NAPG: variants seen among roughly 807,000 people sequenced by gnomAD.
NAPG encodes NSF attachment protein gamma.
NAPG carries 25 observed loss-of-function variants against 48.4 expected under a neutral mutation model. The observed-to-expected ratio is 0.52, with a 90% CI of 0.38 to 0.72. The LOEUF is 0.72. Among genes scored for constraint, NAPG ranks in the 30% least tolerant of loss-of-function variants. NAPG has a pLI of 0.00. For synonymous variants in NAPG, 139 were observed against 127.2 expected (o/e 1.09, Z -0.62); for missense variants, 359 against 372.5 (o/e 0.96, Z 0.30).
chr18:10,540,156 C>T, intron 7 of NAPG, 102 bp downstream of exon 7: 1 of 1,131,598 alleles, frequency 8.8e-7, no homozygotes. Context: ...AAACTTTTCC[C>T]TGCTCACAGT....
chr18:10,539,960 A>G lies in NAPG; in HGVS notation c.369-28A>G, dbSNP rs773010123. The G allele has an allele frequency of 6.5e-5, 105 of 1,607,978 alleles. No individual in the cohort carries two copies. In the East Asian group the frequency reaches 2.3e-3, roughly 35 times the overall value. ...GAAAAACAAGTTTTCCATTTCTCAT[A>G]TAAGACATGTTTTCTTGTCTGATTC... On this transcript the variant is annotated intron_variant, in intron 6 of 11. Transcript: ENST00000322897. This position sits in a 1 kb window ranked among gnomAD's most constrained non-coding sequence, Gnocchi z 4.7.
At chr18:10,526,926 A>C (rs888766223) in intron 1 of NAPG, among the ~76,000 whole-genome samples, 1 of 152,034 alleles carries the variant, frequency 6.6e-6, no homozygotes, top group Non-Finnish European at 1.5e-5. Flanking sequence ...GCGGTGGCTC[A>C]CGTCTGCAAT....
In NAPG at chr18:10,533,562, T is replaced by G. The variant is rs774914828; in HGVS notation, c.227+9T>G. 20 of 1,596,838 alleles carry G rather than the reference T, an allele frequency of 1.3e-5. No individual in the cohort carries two copies. Among genetic ancestry groups the G allele is most frequent in the East Asian group, 2.3e-5 (1 of 43,952 alleles). Reference sequence around the variant, plus strand: ...CTTTTTCATGCTGCCAAGTAAGTATTCTTCATGTTTTCATGTATTTGCAAA... The same window carrying G: ...CTTTTTCATGCTGCCAAGTAAGTATGCTTCATGTTTTCATGTATTTGCAAA... On this transcript the variant is annotated intron_variant, in intron 4 of 11. Transcript: ENST00000322897.
intron 11 of NAPG, 31 bp downstream of exon 11, chr18:10,549,127 T>G: frequency 6.3e-7 from 1 of 1,577,564 alleles, no homozygotes; most frequent in South Asian, 1.2e-5. Flanking sequence ...AGCTTTCATC[T>G]TTTCTCTTGA....
Position 10,551,269 on chromosome 18 carries a change from G to A in NAPG, c.*1049G>A, listed in dbSNP as rs575367181. ...ATCTTTCTAACATTGTAAGAATGAG[G>A]TAATGTTTCCATCAGTCTAATACAG... On this transcript the variant is annotated 3_prime_UTR_variant, in exon 12 of 12. Coordinates refer to ENST00000322897, the MANE Select transcript of NAPG (RefSeq NM_003826.3). The A allele has an allele frequency of 6.6e-6, 1 of 152,018 alleles. No individual in the cohort carries two copies. The highest frequency in any genetic ancestry group is 2.4e-5 in the African/African-American group (1 of 41,478). The allele number at this position is 152,018 out of a possible 1,614,324, so 9.4% of individuals were successfully genotyped here.
chr18:10,538,292 A>G (rs1322667429), intron 5 of NAPG, among the ~76,000 whole-genome samples: 1 of 152,136 alleles, frequency 6.6e-6, no homozygotes, highest in Admixed American at 6.5e-5. Flanking sequence ...GAGCGGGGAG[A>G]AGCGCCAGGA....
rs2032212993 is a variant in NAPG, at chr18:10,544,135, T to TA, written c.507-2190dup. ...ATTTATTTTATAAAACAGGATCTGT[T>TA]ATAAGCTCAGGGTCACAATTATAAA... On this transcript the variant is annotated intron_variant, in intron 8 of 11. Transcript: ENST00000322897. The surrounding 1 kb of genome is among the most constrained non-coding windows in gnomAD (Gnocchi z 5.1). Among the ~76,000 whole-genome samples the TA allele has an allele frequency of 6.6e-6, 1 of 152,222 alleles. No homozygotes were observed. Among genetic ancestry groups the TA allele is most frequent in the African/African-American group, 2.4e-5 (1 of 41,456 alleles).
chr18:10,526,238 G>GCCTTCCCCC (rs2143078331), intron 1 of NAPG, 80 bp downstream of exon 1: 34 of 857,990 alleles, frequency 4.0e-5, no homozygotes, highest in Middle Eastern at 7.5e-4. Context: ...CCCGGGGGGG[G>GCCTTCCCCC]CGGGAGGGAG....
At chr18:10,532,602 G>A in intron 2 of NAPG, 109 bp from the exon 3 acceptor site, 1 of 747,194 alleles carries the variant, frequency 1.3e-6, no homozygotes. Flanking sequence ...TACTTCCTAA[G>A]TATTTGAAGT....
chr18:10,551,427 G>T lies in NAPG; in HGVS notation c.*1207G>T, dbSNP rs1025797989. 6.6e-6 allele frequency: 1 copy of T among 152,208 alleles called. No homozygotes were observed. The highest frequency in any genetic ancestry group is 2.1e-4 in the South Asian group (1 of 4,828). 9.4% of individuals were successfully genotyped at this position (152,208 alleles called of 1,614,324 possible). A position where few individuals can be genotyped will look rare whatever the true frequency, so the allele number is the denominator to read the frequency against. On this transcript the variant is annotated 3_prime_UTR_variant, in exon 12 of 12. Coordinates refer to ENST00000322897, the MANE Select transcript of NAPG (RefSeq NM_003826.3). ...TGAAAGGGAAGAATTGTTTTAGAAAGACAATATTTAAAACACCGCACTGCC... is the reference window on the plus strand; with the variant it reads ...TGAAAGGGAAGAATTGTTTTAGAAATACAATATTTAAAACACCGCACTGCC...
At chr18:10,530,745 G>T (rs757514856) in intron 1 of NAPG, 25 bp from the exon 2 acceptor site, 1 of 1,506,416 alleles carries the variant, frequency 6.6e-7, no homozygotes, top group Admixed American at 2.1e-5. Context: ...GGTAACTCCT[G>T]TTAACTGTGT....
In NAPG at chr18:10,532,796, G is replaced by T. The variant is rs367979785; in HGVS notation, c.209+1G>T. 2 of 1,551,760 alleles carry T rather than the reference G, an allele frequency of 1.3e-6. No homozygotes were observed. Among genetic ancestry groups the T allele is most frequent in the South Asian group, 1.2e-5 (1 of 81,140 alleles). ...CTGTTGCCCATGAAAATAATAGGGC[G>T]TATCTTTTTCAACTTTTAAAAAGAA... is the stretch of plus-strand genomic sequence containing the variant. On this transcript the variant is annotated splice_donor_variant, in intron 3 of 11. Transcript: ENST00000322897. LOFTEE classifies it high-confidence loss of function.
chr18:10,546,492 G>C lies in NAPG; in HGVS notation c.585+88G>C. The C allele has an allele frequency of 1.4e-6, 1 of 706,660 alleles. No individual in the cohort carries two copies. The highest frequency in any genetic ancestry group is 2.0e-5 in the South Asian group (1 of 49,236). 43.8% of individuals were successfully genotyped at this position (706,660 alleles called of 1,614,324 possible). ...AAGTACTTAAGAAAGGATTCTATGGGTATTTCTATGTTTTTGTAAAATAAT... is the reference window on the plus strand; with the variant it reads ...AAGTACTTAAGAAAGGATTCTATGGCTATTTCTATGTTTTTGTAAAATAAT... On this transcript the variant is annotated intron_variant, in intron 9 of 11. Coordinates refer to ENST00000322897, the MANE Select transcript of NAPG (RefSeq NM_003826.3). This position sits in a 1 kb window ranked among gnomAD's most constrained non-coding sequence, Gnocchi z 4.0.
chr18:10,527,111 C>CCGGAAGG (rs2031832028), intron 1 of NAPG, among the ~76,000 whole-genome samples: 1 of 150,530 alleles, frequency 6.6e-6, no homozygotes, highest in Non-Finnish European at 1.5e-5. Context: ...TGGCCTGAAC[C>CCGGAAGG]CGGAAGGCAG....
rs759920400 is a variant in NAPG at position 10,548,264 on chromosome 18, T to C, written c.586-35T>C. On this transcript the variant is annotated intron_variant, in intron 9 of 11. Coordinates refer to ENST00000322897, the MANE Select transcript of NAPG (RefSeq NM_003826.3). The surrounding 1 kb of genome is among the most constrained non-coding windows in gnomAD (Gnocchi z 4.4). ...CAGGTTATTGACTTTATTAAACAGA[T>C]GTAAATTTGACCATGATCCTCTCTT... The C allele has an allele frequency of 2.0e-6, 3 of 1,489,606 alleles. No homozygotes were observed. In the Admixed American group the frequency reaches 5.0e-5, roughly 25 times the overall value. The allele number at this position is 1,489,606 out of a possible 1,614,324, so 92.3% of individuals were successfully genotyped here.
chr18:10,546,093 C>A lies in NAPG; in HGVS notation c.507-233C>A, dbSNP rs2032260216. ...AAACTCCCCGTTTGACCTAACCCAT[C>A]CTTGAGTTCTTTTGCTTTTTCTGTC... On this transcript the variant is annotated intron_variant, in intron 8 of 11. Transcript: ENST00000322897. The surrounding 1 kb of genome is among the most constrained non-coding windows in gnomAD (Gnocchi z 4.0). Among the ~76,000 whole-genome samples the A allele has an allele frequency of 6.6e-6, 1 of 152,180 alleles. No individual in the cohort carries two copies. Among genetic ancestry groups the A allele is most frequent in the Non-Finnish European group, 1.5e-5 (1 of 68,034 alleles).
At chr18:10,527,537 G>A (rs2031844022) in intron 1 of NAPG, among the ~76,000 whole-genome samples, 2 of 152,196 alleles carry the variant, frequency 1.3e-5, no homozygotes, top group Non-Finnish European at 2.9e-5. Flanking sequence ...ATAGTGTGTG[G>A]AATAGGGACC....
chr18:10,531,280 C>T (rs2031923096), intron 2 of NAPG, among the ~76,000 whole-genome samples: 1 of 152,130 alleles, frequency 6.6e-6, no homozygotes, highest in Non-Finnish European at 1.5e-5. Context: ...TTATGAACCT[C>T]ACTTTGAGTG....
rs2143152229 is a variant in NAPG, at chr18:10,548,956, G to T, written c.666-11G>T. The T allele has an allele frequency of 6.2e-7, 1 of 1,611,974 alleles. No homozygotes were observed. Among genetic ancestry groups the T allele is most frequent in the South Asian group, 1.1e-5 (1 of 90,776 alleles). On this transcript the variant is annotated splice_polypyrimidine_tract_variant and intron_variant, in intron 10 of 11. Coordinates refer to ENST00000322897, the MANE Select transcript of NAPG (RefSeq NM_003826.3). This position sits in a 1 kb window ranked among gnomAD's most constrained non-coding sequence, Gnocchi z 4.4. Reference sequence around the variant, plus strand: ...GAGAAGGTGAAGACGTGTGATTTGTGCTTACTGCAGCATCCCTGGGTTCAA... The same window carrying T: ...GAGAAGGTGAAGACGTGTGATTTGTTCTTACTGCAGCATCCCTGGGTTCAA...
Sources: allele counts gnomAD v4.1 joint callset (sites outside exome capture counted in the v4.1 genomes callset), GRCh38; gene constraint gnomAD v4.1.1; non-coding constraint Gnocchi (gnomAD v3.1); transcripts MANE v1.5; gene names NCBI Gene and HGNC (gene_info 2026-07-23, HGNC 2026-07-21).